ITGBL1: variants seen among roughly 807,000 people sequenced by gnomAD.
ITGBL1 encodes the protein integrin subunit beta like 1, also known as integrin beta-like protein 1.
A neutral mutation model predicts 68.5 loss-of-function variants in ITGBL1; 51 were observed. The ratio of observed to expected loss-of-function variants is 0.74; its 90% CI spans 0.59 to 0.94. ITGBL1 has a LOEUF of 0.94. Ranked by LOEUF, ITGBL1 falls within the 40% of genes least tolerant of loss-of-function variation. The probability of loss-of-function intolerance (pLI) is 0.00; values close to 1 mark genes in which losing one functional copy is unlikely to be tolerated. For synonymous variants in ITGBL1, 209 were observed against 227.3 expected (o/e 0.92, Z 0.72); for missense variants, 649 against 647.4 (o/e 1.00, Z -0.03).
chr13:101,515,903 T>G (rs1454877434), intron 2 of ITGBL1, among the ~76,000 whole-genome samples: 1 of 152,188 alleles, frequency 6.6e-6, no homozygotes, highest in African/African-American at 2.4e-5. Context: ...AACACATTAC[T>G]TATATTTCTG....
intron 7 of ITGBL1, among the ~76,000 whole-genome samples, chr13:101,667,023 G>A (rs557567767): frequency 2.6e-5 from 4 of 152,216 alleles, no homozygotes; most frequent in African/African-American, 9.6e-5. Flanking sequence ...TCCTTGACAG[G>A]GCTTATAGGA....
At chr13:101,521,481 A>G (rs1193850632) in intron 2 of ITGBL1, among the ~76,000 whole-genome samples, 2 of 152,212 alleles carry the variant, frequency 1.3e-5, no homozygotes, top group South Asian at 2.1e-4. Context: ...AATCCAAAGG[A>G]CCTCACTTTT....
intron 2 of ITGBL1, among the ~76,000 whole-genome samples, chr13:101,456,590 C>G (rs2048247407): frequency 6.6e-6 from 1 of 152,156 alleles, no homozygotes; most frequent in Admixed American, 6.6e-5. Context: ...AAATCCTTCT[C>G]TTATAGTACT....
At position 101,586,080 on chromosome 13, in the gene ITGBL1, C is replaced by T. The variant is rs142533363; in HGVS notation, c.868+2724C>T. On this transcript the variant is annotated intron_variant, in intron 6 of 10. Transcript: ENST00000376180. ...CTCGTGTAAGCTTGTGTGCAATTCC[C>T]GCAGCGTGTCATTTAGTCTTGGAGT... is the stretch of plus-strand genomic sequence containing the variant. 2.2e-4 allele frequency among the ~76,000 whole-genome samples: 33 copies of T among 152,232 alleles called. No individual in the cohort carries two copies. In the Middle Eastern group the frequency reaches 0.014, roughly 63 times the overall value.
At position 101,598,304 on chromosome 13, in the gene ITGBL1, G is replaced by C; in HGVS notation, c.1015+5G>C. 1 of 1,597,878 alleles carries C rather than the reference G, an allele frequency of 6.3e-7. No individual in the cohort carries two copies. The highest frequency in any genetic ancestry group is 1.1e-5 in the South Asian group (1 of 88,606). On this transcript the variant is annotated splice_donor_5th_base_variant and intron_variant, in intron 7 of 10. Coordinates refer to ENST00000376180, the MANE Select transcript of ITGBL1 (RefSeq NM_004791.3). ...ATCTGCCTTGCTCTGGGAGGGGTAA[G>C]TGAGGTCTCTCAGGGCTTCCCACGG...
chr13:101,703,161 GT>G (rs1168091577), intron 8 of ITGBL1, among the ~76,000 whole-genome samples: 1 of 137,480 alleles, frequency 7.3e-6, no homozygotes, highest in Non-Finnish European at 1.5e-5. Context: ...AGTCAAAAAA[GT>G]TCCACAGGAG....
chr13:101,514,751 A>T (rs1197623469), intron 2 of ITGBL1, among the ~76,000 whole-genome samples: 1 of 152,124 alleles, frequency 6.6e-6, no homozygotes, highest in African/African-American at 2.4e-5. Flanking sequence ...ACCACTAAAT[A>T]TACTGCCTTA....
chr13:101,510,071 T>C (rs1357168385), intron 2 of ITGBL1, among the ~76,000 whole-genome samples: 1 of 152,132 alleles, frequency 6.6e-6, no homozygotes, highest in Non-Finnish European at 1.5e-5. Context: ...ATATAGGTGG[T>C]ACATGTGTAG....
chr13:101,674,417 C>A (rs1292006228), intron 7 of ITGBL1, among the ~76,000 whole-genome samples: 2 of 152,162 alleles, frequency 1.3e-5, no homozygotes, highest in Non-Finnish European at 2.9e-5. Flanking sequence ...AGTAAACTTA[C>A]TATCTTTGGA....
intron 2 of ITGBL1, among the ~76,000 whole-genome samples, chr13:101,478,290 T>C (rs2048565986): frequency 6.6e-6 from 1 of 151,982 alleles, no homozygotes; most frequent in Admixed American, 6.6e-5. Flanking sequence ...TATTACTTCA[T>C]GATAAAAACC....
chr13:101,625,203 C>A (rs1216197215), intron 7 of ITGBL1, among the ~76,000 whole-genome samples: 1 of 152,154 alleles, frequency 6.6e-6, no homozygotes, highest in African/African-American at 2.4e-5. Context: ...CAGAAATAAG[C>A]CCAGTGACAG....
chr13:101,675,810 A>G (rs557725128), intron 7 of ITGBL1, among the ~76,000 whole-genome samples: 72 of 152,280 alleles, frequency 4.7e-4, no homozygotes, highest in African/African-American at 1.7e-3. Context: ...TGCATGAGAT[A>G]CAATTTCAAG....
At chr13:101,558,562 C>G (rs773524507) in intron 2 of ITGBL1, among the ~76,000 whole-genome samples, 36 of 152,262 alleles carry the variant, frequency 2.4e-4, no homozygotes, top group Non-Finnish European at 4.6e-4. Flanking sequence ...TAGTGGTCTT[C>G]CCTTTCTCTC....
intron 2 of ITGBL1, among the ~76,000 whole-genome samples, chr13:101,497,760 T>G (rs969367908): frequency 3.9e-5 from 6 of 152,194 alleles, no homozygotes; most frequent in African/African-American, 1.2e-4. Context: ...TCTCTCCAGA[T>G]GATGACCAAA....
chr13:101,488,733 G>T (rs141763493), intron 2 of ITGBL1, among the ~76,000 whole-genome samples: 3 of 152,024 alleles, frequency 2.0e-5, no homozygotes, highest in Non-Finnish European at 4.4e-5. Flanking sequence ...ATAATTTTGC[G>T]TCTTCCTCAT....
chr13:101,512,535 G>A (rs1566709405), intron 2 of ITGBL1, among the ~76,000 whole-genome samples: 2 of 152,068 alleles, frequency 1.3e-5, no homozygotes, highest in Non-Finnish European at 2.9e-5. Context: ...GCTTTTCATC[G>A]GAATTGGATA....
chr13:101,542,959 G>A lies in ITGBL1; in HGVS notation c.317-24740G>A, dbSNP rs143372684. Among the ~76,000 whole-genome samples, 1,393 of 152,124 alleles carry A rather than the reference G, an allele frequency of 9.2e-3. 10 individuals carry two copies. The highest frequency in any genetic ancestry group is 0.048 in the Middle Eastern group (14 of 294). ...TTTGAGCCTGTGTGTGTCTCTACACGTGAGATGGGTTTCCTGAATACAGCA... is the reference window on the plus strand; with the variant it reads ...TTTGAGCCTGTGTGTGTCTCTACACATGAGATGGGTTTCCTGAATACAGCA... On this transcript the variant is annotated intron_variant, in intron 2 of 10. Coordinates refer to ENST00000376180, the MANE Select transcript of ITGBL1 (RefSeq NM_004791.3).
intron 7 of ITGBL1, among the ~76,000 whole-genome samples, chr13:101,605,739 CAT>C (rs764234568): frequency 1.9e-4 from 29 of 150,932 alleles, no homozygotes; most frequent in Middle Eastern, 3.4e-3. Context: ...CGTATGTAGA[CAT>C]ATGTATGTGC....
intron 7 of ITGBL1, among the ~76,000 whole-genome samples, chr13:101,650,867 G>A (rs931257750): frequency 2.0e-5 from 3 of 152,034 alleles, no homozygotes; most frequent in Non-Finnish European, 4.4e-5. Context: ...TGTTCTCATT[G>A]TTAAGCTCCT....
Sources: allele counts gnomAD v4.1 joint callset (sites outside exome capture counted in the v4.1 genomes callset), GRCh38; gene constraint gnomAD v4.1.1; transcripts MANE v1.5; gene names NCBI Gene and HGNC (gene_info 2026-07-23, HGNC 2026-07-21).